The following RORB variants were observed in gnomAD, a reference collection of about 807,000 sequenced individuals.
RORB encodes the protein nuclear receptor ROR-beta.
RORB carries 6 observed loss-of-function variants against 59.1 expected under a neutral mutation model. That is an observed-to-expected ratio of 0.10 (90% CI 0.06 to 0.20). The LOEUF (loss-of-function observed/expected upper bound fraction) is 0.20, where lower values mean the gene tolerates loss of function less well. Ranked by LOEUF, RORB falls within the 10% of genes least tolerant of loss-of-function variation. The pLI is 1.00. For missense variants in RORB, 320 were observed against 560.5 expected (o/e 0.57, Z 4.33); for synonymous variants, 215 against 204.5 (o/e 1.05, Z -0.44).
intron 1 of RORB, 98 bp downstream of exon 1, chr9:74,498,081 A>G: frequency 7.2e-7 from 1 of 1,387,086 alleles, no homozygotes; most frequent in Non-Finnish European, 9.9e-7. Context: ...AAAGGGAAAG[A>G]GGTTGCCCAG....
rs111879886 is a variant in RORB, at chr9:74,634,738, G to A, written c.201G>A (p.Leu67=). The change falls in exon 3 of 10, where the codon CTG becomes CTA. Residue 67 remains leucine, a synonymous_variant. Coordinates refer to ENST00000376896, the MANE Select transcript of RORB (RefSeq NM_006914.4). ...GAAACCGTTGCCAACACTGCCGACT[G>A]CAGAAGTGTCTTGCCCTAGGAATGT... ...TNRNRCQHCR[L]QKCLALGMSR... is the part of the protein sequence containing the mutation. The A allele has an allele frequency of 6.8e-6, 11 of 1,613,526 alleles. No homozygotes were observed. The highest frequency in any genetic ancestry group is 6.7e-5 in the African/African-American group (5 of 74,982).
chr9:74,601,424 A>G (rs1823054241), intron 1 of RORB, among the ~76,000 whole-genome samples: 1 of 150,966 alleles, frequency 6.6e-6, no homozygotes, highest in African/African-American at 2.4e-5. Flanking sequence ...AAGGTTTTCA[A>G]TGATATGTTC....
intron 1 of RORB, among the ~76,000 whole-genome samples, chr9:74,547,941 T>C (rs1826526611): frequency 6.6e-6 from 1 of 152,230 alleles, no homozygotes. Context: ...ACTACCAGGC[T>C]ACTGTAATAA....
chr9:74,542,329 G>T (rs1284143459), intron 1 of RORB, among the ~76,000 whole-genome samples: 1 of 152,140 alleles, frequency 6.6e-6, no homozygotes, highest in Non-Finnish European at 1.5e-5. Context: ...AGGAGACAAT[G>T]AATAACACCA....
intron 1 of RORB, among the ~76,000 whole-genome samples, chr9:74,598,199 G>A (rs1454861945): frequency 6.6e-6 from 1 of 152,104 alleles, no homozygotes; most frequent in African/African-American, 2.4e-5. Flanking sequence ...GGGGCCTGGG[G>A]TGTTGGAGGT....
chr9:74,656,165 A>G (rs141015065), intron 4 of RORB, among the ~76,000 whole-genome samples: 84 of 152,322 alleles, frequency 5.5e-4, no homozygotes, highest in African/African-American at 1.9e-3. Flanking sequence ...GGAAGGAAGA[A>G]TGGATAGACA....
At chr9:74,511,439 T>C (rs1825938064) in intron 1 of RORB, among the ~76,000 whole-genome samples, 1 of 152,036 alleles carries the variant, frequency 6.6e-6, no homozygotes, top group Non-Finnish European at 1.5e-5. Flanking sequence ...TCTTCTTCTT[T>C]TTTTTTCTCT....
At chr9:74,520,523 G>A (rs1252563943) in intron 1 of RORB, among the ~76,000 whole-genome samples, 1 of 151,848 alleles carries the variant, frequency 6.6e-6, no homozygotes, top group Non-Finnish European at 1.5e-5. Context: ...ATAGGTGTAA[G>A]AATTAAATAA....
chr9:74,675,862 A>G lies in RORB; in HGVS notation c.1224+3961A>G, dbSNP rs935658697. ...AACCTGTGATGCTCTTTCCCCACTC[A>G]GTTGAGAACAGCAGGACCACTGCCG... On this transcript the variant is annotated intron_variant, in intron 9 of 9. Transcript: ENST00000376896. Among the ~76,000 whole-genome samples, 9 of 152,344 alleles carry G rather than the reference A, an allele frequency of 5.9e-5. No individual in the cohort carries two copies. The East Asian group carries it at 9.6e-4, about 16-fold the overall frequency.
chr9:74,608,774 A>C (rs1357329713), intron 1 of RORB, among the ~76,000 whole-genome samples: 1 of 152,220 alleles, frequency 6.6e-6, no homozygotes, highest in East Asian at 1.9e-4. Flanking sequence ...TTAAAGCAAT[A>C]ATCCCTATTC....
intron 4 of RORB, among the ~76,000 whole-genome samples, chr9:74,647,253 A>G (rs1823915211): frequency 6.6e-6 from 1 of 152,214 alleles, no homozygotes; most frequent in South Asian, 2.1e-4. Context: ...GCAAACATGC[A>G]GAAAAGGAAA....
At chr9:74,583,252 AAAG>A (rs1822751458) in intron 1 of RORB, among the ~76,000 whole-genome samples, 1 of 152,100 alleles carries the variant, frequency 6.6e-6, no homozygotes, top group Non-Finnish European at 1.5e-5. Flanking sequence ...CAGCTAGACT[AAAG>A]AAGAACTGCC....
chr9:74,577,643 G>A (rs1172198499), intron 1 of RORB, among the ~76,000 whole-genome samples: 1 of 151,978 alleles, frequency 6.6e-6, no homozygotes, highest in Non-Finnish European at 1.5e-5. Context: ...TGGATGCAAA[G>A]TGAAATGGGG....
chr9:74,558,611 A>AGT (rs1822345655), intron 1 of RORB, among the ~76,000 whole-genome samples: 1 of 152,128 alleles, frequency 6.6e-6, no homozygotes, highest in African/African-American at 2.4e-5. Context: ...CAGAATTTCC[A>AGT]GTGTATTTAG....
chr9:74,546,575 A>T (rs1052138715), intron 1 of RORB, among the ~76,000 whole-genome samples: 19 of 152,354 alleles, frequency 1.2e-4, no homozygotes, highest in Non-Finnish European at 2.2e-4. Context: ...ATTGGCTTTG[A>T]TGCTTAATCA....
intron 1 of RORB, among the ~76,000 whole-genome samples, chr9:74,527,110 C>A (rs1436946747): frequency 6.6e-6 from 1 of 151,984 alleles, no homozygotes; most frequent in African/African-American, 2.4e-5. Context: ...AAACCGTAAG[C>A]ATGAGTAATC....
chr9:74,662,932 T>C (rs1393610023), intron 6 of RORB, among the ~76,000 whole-genome samples: 3 of 151,796 alleles, frequency 2.0e-5, no homozygotes, highest in African/African-American at 7.3e-5. Flanking sequence ...CTCCTTGCCT[T>C]CTGTGAAAGG....
intron 1 of RORB, among the ~76,000 whole-genome samples, chr9:74,500,022 C>T (rs527787590): frequency 6.6e-6 from 1 of 152,238 alleles, no homozygotes; most frequent in Admixed American, 6.5e-5. Context: ...CCACGGCGGT[C>T]GCTTTGAGGA....
Position 74,667,798 on chromosome 9 carries a change from T to A in RORB, c.1008T>A (p.Asp336Glu). 2.5e-6 allele frequency: 4 copies of A among 1,604,120 alleles called. No homozygotes were observed. The South Asian group carries it at 4.4e-5, about 18-fold the overall frequency. Residue 336 changes from aspartate (D) to glutamate (E), a missense_variant, in exon 8 of 10, where the codon GAT becomes GAA. Asp to Glu is a conservative substitution (Grantham distance 45, BLOSUM62 2). This residue lies in a region of RORB where 109 missense variants were observed against 171.0 expected (regional missense o/e 0.64). Coordinates refer to ENST00000376896, the MANE Select transcript of RORB (RefSeq NM_006914.4). ...GMQMFKALGS[D>E]DLVNEAFDFA... ...TTTCTTCTTCCTTTATAGGTTCTGA[T>A]GACCTAGTGAATGAAGCATTTGACT...
Sources: allele counts gnomAD v4.1 joint callset (sites outside exome capture counted in the v4.1 genomes callset), GRCh38; gene constraint gnomAD v4.1.1; regional missense constraint gnomAD v4.1.1; transcripts MANE v1.5; gene names NCBI Gene and HGNC (gene_info 2026-07-23, HGNC 2026-07-21).